PACS1: variants seen among roughly 807,000 people sequenced by gnomAD.
PACS1 encodes PACS-1.
In PACS1, 24 loss-of-function variants were observed where a neutral mutation model predicts 115.0. The ratio of observed to expected loss-of-function variants is 0.21; its 90% CI spans 0.15 to 0.29. PACS1 has a LOEUF of 0.29. PACS1 is among the 10% of genes least tolerant of loss of function. PACS1 has a pLI of 1.00. For synonymous variants in PACS1, 453 were observed against 504.5 expected, an observed-to-expected ratio of 0.90 and a Z score of 1.37; for missense variants, 838 against 1,251.2, an observed-to-expected ratio of 0.67 and a Z score of 4.98.
At chr11:66,242,784 C>T (rs780200841) in intron 22 of PACS1, 128 bp from the exon 23 acceptor site, 17 of 1,264,478 alleles carry the variant, frequency 1.3e-5, no homozygotes, top group Non-Finnish European at 1.9e-5. Context: ...AGCCCAGTGC[C>T]AGGGAGGAGG....
At chr11:66,137,026 C>G (rs938530735) in intron 1 of PACS1, among the ~76,000 whole-genome samples, 39 of 147,398 alleles carry the variant, frequency 2.6e-4, no homozygotes, top group South Asian at 9.0e-4. Context: ...CAAATTGCCC[C>G]CCCCCCCACC....
chr11:66,140,607 AG>A (rs1858957179), intron 1 of PACS1, among the ~76,000 whole-genome samples: 1 of 152,156 alleles, frequency 6.6e-6, no homozygotes, highest in Non-Finnish European at 1.5e-5. Flanking sequence ...AAGATATAGA[AG>A]GAGATACACA....
chr11:66,192,646 CAT>C (rs1196557695), intron 1 of PACS1, among the ~76,000 whole-genome samples: 6 of 152,212 alleles, frequency 3.9e-5, no homozygotes, highest in African/African-American at 1.4e-4. Context: ...CAACATCCCT[CAT>C]GTGTACCGTT....
At chr11:66,190,801 A>G (rs986310145) in intron 1 of PACS1, among the ~76,000 whole-genome samples, 3 of 152,184 alleles carry the variant, frequency 2.0e-5, no homozygotes, top group African/African-American at 7.2e-5. Context: ...GTGGGCAGTC[A>G]TTGAAGGGGG....
intron 1 of PACS1, among the ~76,000 whole-genome samples, chr11:66,071,229 C>T (rs1175055015): frequency 6.6e-6 from 1 of 152,120 alleles, no homozygotes; most frequent in Non-Finnish European, 1.5e-5. Flanking sequence ...TTATTATTTC[C>T]CAATAGACTC....
chr11:66,170,052 TTA>T (rs201817691), intron 1 of PACS1, among the ~76,000 whole-genome samples: 1 of 150,686 alleles, frequency 6.6e-6, no homozygotes, highest in Non-Finnish European at 1.5e-5. Flanking sequence ...TTCTGTTAAA[TTA>T]TATGTTTCTA....
At chr11:66,200,504 A>G (rs936926434) in intron 2 of PACS1, among the ~76,000 whole-genome samples, 4 of 152,304 alleles carry the variant, frequency 2.6e-5, no homozygotes, top group Middle Eastern at 3.4e-3. Context: ...AGGAATAGCT[A>G]TACTTATATC....
At chr11:66,202,277 A>G (rs1444445312) in intron 2 of PACS1, among the ~76,000 whole-genome samples, 1 of 152,214 alleles carries the variant, frequency 6.6e-6, no homozygotes, top group Middle Eastern at 3.2e-3. Flanking sequence ...AGGCCTTGAT[A>G]GCTTCACTAC....
chr11:66,140,050 AAC>A (rs2134591920), intron 1 of PACS1, among the ~76,000 whole-genome samples: 1 of 152,338 alleles, frequency 6.6e-6, no homozygotes, highest in East Asian at 1.9e-4. Flanking sequence ...TGAATCTGAT[AAC>A]GTGGCTTTTG....
chr11:66,075,738 C>CTTTTTTT (rs756089252), intron 1 of PACS1, among the ~76,000 whole-genome samples: 1 of 134,128 alleles, frequency 7.5e-6, no homozygotes, highest in Non-Finnish European at 1.6e-5. Context: ...ATTAAAAGTC[C>CTTTTTTT]TTTTTTTTTT....
chr11:66,196,060 G>A (rs1299832267), intron 2 of PACS1, among the ~76,000 whole-genome samples: 1 of 152,174 alleles, frequency 6.6e-6, no homozygotes, highest in Non-Finnish European at 1.5e-5. Flanking sequence ...ACCATCTCAT[G>A]AGTGAAATAA....
chr11:66,229,561 C>G (rs185084203), intron 11 of PACS1, among the ~76,000 whole-genome samples: 1 of 151,932 alleles, frequency 6.6e-6, no homozygotes, highest in South Asian at 2.1e-4. Flanking sequence ...CGCCTGTAGT[C>G]CCAGCAACTC....
At chr11:66,127,558 A>G (rs1858609388) in intron 1 of PACS1, among the ~76,000 whole-genome samples, 2 of 152,220 alleles carry the variant, frequency 1.3e-5, no homozygotes, top group Non-Finnish European at 2.9e-5. Flanking sequence ...GGAGCAAGAC[A>G]TGCACACAAA....
At chr11:66,202,726 GAAAA>G (rs55677222) in intron 2 of PACS1, among the ~76,000 whole-genome samples, 6 of 10,958 alleles carry the variant, frequency 5.5e-4, no homozygotes, top group African/African-American at 1.4e-3. Context: ...TCATCTCTAG[GAAAA>G]AAAAAAAAAA....
chr11:66,172,504 C>T (rs1182785419), intron 1 of PACS1, among the ~76,000 whole-genome samples: 1 of 152,168 alleles, frequency 6.6e-6, no homozygotes, highest in Non-Finnish European at 1.5e-5. Flanking sequence ...CTGAGGCTCC[C>T]TGTCAACTGC....
At chr11:66,182,432 A>G (rs1002555018) in intron 1 of PACS1, among the ~76,000 whole-genome samples, 2 of 150,858 alleles carry the variant, frequency 1.3e-5, no homozygotes, top group Admixed American at 1.3e-4. Context: ...AAATTGCCCC[A>G]TTCAAACATT....
chr11:66,115,347 C>T (rs1858282293), intron 1 of PACS1, among the ~76,000 whole-genome samples: 1 of 152,110 alleles, frequency 6.6e-6, no homozygotes. Context: ...TTTTCTCTCT[C>T]CCTTTTTCAG....
intron 1 of PACS1, among the ~76,000 whole-genome samples, chr11:66,092,132 C>T (rs1036442297): frequency 2.6e-5 from 4 of 152,066 alleles, no homozygotes; most frequent in Non-Finnish European, 5.9e-5. Context: ...GTTTACAGTC[C>T]CACCAACAGT....
intron 1 of PACS1, among the ~76,000 whole-genome samples, chr11:66,106,965 G>A (rs1375990973): frequency 1.3e-5 from 2 of 152,050 alleles, no homozygotes; most frequent in Middle Eastern, 3.2e-3. Context: ...TTCTTGCCCC[G>A]GGCAGGAATT....
Sources: allele counts gnomAD v4.1 joint callset (sites outside exome capture counted in the v4.1 genomes callset), GRCh38; gene constraint gnomAD v4.1.1; transcripts MANE v1.5; gene names NCBI Gene and HGNC (gene_info 2026-07-23, HGNC 2026-07-21).